OGDHL: variants seen among roughly 807,000 people sequenced by gnomAD.
OGDHL encodes oxoglutarate dehydrogenase L.
Under a neutral mutation model 109.6 loss-of-function variants are expected in OGDHL, and 79 were observed. The observed-to-expected ratio is 0.72, with a 90% confidence interval of 0.60 to 0.87. OGDHL has a LOEUF of 0.87. Ranked by LOEUF, OGDHL falls within the 40% of genes least tolerant of loss-of-function variation. The pLI, the probability that OGDHL is intolerant of heterozygous loss-of-function variation, is 0.00. For synonymous variants in OGDHL, 528 were observed against 537.2 expected, an observed-to-expected ratio of 0.98 and a Z score of 0.24; for missense variants, 1,275 against 1,362.2, an observed-to-expected ratio of 0.94 and a Z score of 1.01.
rs570938063 is a variant in OGDHL, at chr10:49,738,100, G to A, written c.2392-28C>T. 8 of 1,614,028 alleles carry A rather than the reference G, an allele frequency of 5.0e-6. No individual in the cohort carries two copies. In the South Asian group the frequency reaches 6.6e-5, roughly 13 times the overall value. ...GTGGGGACGAGATGCATATGGCCAG[G>A]GTGGCTGTCTGCTGCACCCACACCC... On this transcript the variant is annotated intron_variant, in intron 18 of 22. Coordinates refer to ENST00000374103, the MANE Select transcript of OGDHL (RefSeq NM_018245.3).
intron 4 of OGDHL, 47 bp downstream of exon 4, chr10:49,752,591 G>T: frequency 6.5e-7 from 1 of 1,530,626 alleles, no homozygotes; most frequent in Non-Finnish European, 9.1e-7. Context: ...CCCCTTACTG[G>T]GCCACCCACA....
chr10:49,756,771 C>T lies in OGDHL; in HGVS notation c.375+5G>A. The T allele has an allele frequency of 6.2e-7, 1 of 1,611,168 alleles. No individual in the cohort carries two copies. Among genetic ancestry groups the T allele is most frequent in the Non-Finnish European group, 8.5e-7 (1 of 1,178,472 alleles). ...CTCCCAGGCTGTGCCTCAGCTGCCC[C>T]TCACCTGGTAGGCCCGGATCAGGGA... On this transcript the variant is annotated splice_donor_5th_base_variant and intron_variant, in intron 3 of 22. Coordinates refer to ENST00000374103, the MANE Select transcript of OGDHL (RefSeq NM_018245.3).
Position 49,756,889 on chromosome 10 carries a change from G to T in OGDHL, c.262C>A (p.Pro88Thr). The change falls in exon 3 of 23, where the codon CCA becomes ACA. Residue 88 changes from proline to threonine, a missense_variant. By Grantham distance (38) the Pro-to-Thr change is conservative (BLOSUM62 -1). Transcript: ENST00000374103. ...TCATGGACAACAGAAGGGGGCCGTG[G>T]CTGAGCAGAGCCAGAAAAGGCTTCC... ...SEEAFSGSAQ[P>T]RPPSVVHESR... is the part of the protein sequence containing the mutation. 1 of 1,613,940 alleles carries T rather than the reference G, an allele frequency of 6.2e-7. No homozygotes were observed. Among genetic ancestry groups the T allele is most frequent in the African/African-American group, 1.3e-5 (1 of 75,054 alleles).
At chr10:49,738,678 A>T (rs1306289729) in intron 17 of OGDHL, 1 of 212,422 alleles carries the variant, frequency 4.7e-6, no homozygotes, top group African/African-American at 2.3e-5. Flanking sequence ...TGAAGAGGCA[A>T]GGAGAGGGTA....
At chr10:49,735,803 G>A (rs538883881) in intron 22 of OGDHL, among the ~76,000 whole-genome samples, 6 of 152,294 alleles carry the variant, frequency 3.9e-5, no homozygotes, top group East Asian at 3.9e-4. Context: ...CTACATAACC[G>A]GCCTAAGATC....
At chr10:49,759,945 A>T (rs995580234) in intron 1 of OGDHL, among the ~76,000 whole-genome samples, 3 of 152,230 alleles carry the variant, frequency 2.0e-5, no homozygotes, top group Non-Finnish European at 2.9e-5. Context: ...AGGTGTGCTC[A>T]GCCAACACCT....
chr10:49,751,816 G>T lies in OGDHL; in HGVS notation c.749+11C>A. On this transcript the variant is annotated intron_variant, in intron 6 of 22. Coordinates refer to ENST00000374103, the MANE Select transcript of OGDHL (RefSeq NM_018245.3). ...GACCTCCAGCCACTTGGCCCTCCAG[G>T]TGGTGCCAACCTCATGGAGCGCACT... 6.2e-7 allele frequency: 1 copy of T among 1,612,622 alleles called. No homozygotes were observed. The highest frequency in any genetic ancestry group is 8.5e-7 in the Non-Finnish European group (1 of 1,179,514).
chr10:49,758,615 G>A, intron 1 of OGDHL, 22 bp from the exon 2 acceptor site: 2 of 1,612,138 alleles, frequency 1.2e-6, no homozygotes, highest in South Asian at 1.1e-5. Flanking sequence ...CAATGAAGGA[G>A]AGGCATAAAT....
chr10:49,740,226 C>T (rs1841543361), intron 16 of OGDHL, among the ~76,000 whole-genome samples: 1 of 152,116 alleles, frequency 6.6e-6, no homozygotes, highest in African/African-American at 2.4e-5. Context: ...GCAGTGAGGA[C>T]GAGGTGAGCC....
Position 49,739,680 on chromosome 10 carries a change from GGCA to G in OGDHL, c.2297_2299del (p.Leu766del), listed in dbSNP as rs778935464. On this transcript the variant is annotated inframe_deletion, in exon 17 of 23. Coordinates refer to ENST00000374103, the MANE Select transcript of OGDHL (RefSeq NM_018245.3). The stretch of plus-strand genomic sequence containing the variant: ...CCTCACCATGCCTTCCATGCCATGG[GGCA>G]GCAGCAGCACAATGCCATTATGCCG... 21 of 1,613,610 alleles carry G rather than the reference GGCA, an allele frequency of 1.3e-5. No individual in the cohort carries two copies. The highest frequency in any genetic ancestry group is 1.8e-5 in the Non-Finnish European group (21 of 1,179,808).
intron 8 of OGDHL, among the ~76,000 whole-genome samples, chr10:49,748,014 G>A (rs12256338): frequency 0.022 from 3,345 of 151,908 alleles, 109 homozygotes; most frequent in African/African-American, 0.073. Context: ...ATTCGAGAGC[G>A]TGTAGGAGGA....
At chr10:49,751,215 C>T (rs953670636) in intron 6 of OGDHL, among the ~76,000 whole-genome samples, 7 of 152,254 alleles carry the variant, frequency 4.6e-5, no homozygotes, top group South Asian at 2.1e-4. Context: ...GAACCAAACG[C>T]CTCTGCCTAC....
intron 3 of OGDHL, among the ~76,000 whole-genome samples, chr10:49,756,329 A>T (rs1468223166): frequency 6.6e-6 from 1 of 152,216 alleles, no homozygotes; most frequent in African/African-American, 2.4e-5. Context: ...CAGGAGGAGC[A>T]ACTGGTGGGG....
Position 49,746,879 on chromosome 10 carries a change from C to T in OGDHL, c.1168-1G>A. On this transcript the variant is annotated splice_acceptor_variant, in intron 9 of 22. Transcript: ENST00000374103. LOFTEE classifies it high-confidence loss of function. ...CCCCATGAACCAGGATGGACATGAC[C>T]TGCAGGGCAGGTGTGAGCCAGGAGG... 2 of 1,614,126 alleles carry T rather than the reference C, an allele frequency of 1.2e-6. No homozygotes were observed. The highest frequency in any genetic ancestry group is 1.7e-6 in the Non-Finnish European group (2 of 1,180,006).
rs1170444476 is a variant in OGDHL at position 49,736,451 on chromosome 10, A to G, written c.2660T>C (p.Leu887Pro). The G allele has an allele frequency of 1.2e-6, 2 of 1,614,010 alleles. No individual in the cohort carries two copies. Among genetic ancestry groups the G allele is most frequent in the South Asian group, 2.2e-5 (2 of 91,084 alleles). The change falls in exon 21 of 23, where the codon CTC (leucine) becomes CCC (proline). Residue 887 changes from leucine (L) to proline (P), a missense_variant. Transcript: ENST00000374103. ...AARAPEQVQR[L>P]IFCTGKVYYD... ...GTACACCTTTCCCGTGCAGAAGATG[A>G]GCCGCTGCACCTGCTCAGGGGCCCG...
intron 1 of OGDHL, among the ~76,000 whole-genome samples, chr10:49,759,525 A>G (rs1438607315): frequency 0.013 from 1 of 78 alleles, no homozygotes; most frequent in Non-Finnish European, 0.024. Flanking sequence ...AAGAGTTCTA[A>G]GAGCCCTCTG....
In OGDHL at chr10:49,744,096, T is replaced by C. The variant is rs766080142; in HGVS notation, c.1759A>G (p.Lys587Glu). 7.4e-6 allele frequency: 12 copies of C among 1,613,798 alleles called. No homozygotes were observed. Among genetic ancestry groups the C allele is most frequent in the Non-Finnish European group, 1.0e-5 (12 of 1,179,908 alleles). ...CCCGTGGCTGGGCATGTCATGCTCT[T>C]GGGCTCCCCATCTACGTTGAAGAAG... ...PGFFNVDGEP[K>E]SMTCPATGIP... The change falls in exon 14 of 23, where the codon AAG becomes GAG. Residue 587 changes from lysine to glutamate, a missense_variant. Coordinates refer to ENST00000374103, the MANE Select transcript of OGDHL (RefSeq NM_018245.3).
At chr10:49,748,607 T>C (rs562804749) in intron 8 of OGDHL, among the ~76,000 whole-genome samples, 12 of 152,230 alleles carry the variant, frequency 7.9e-5, no homozygotes, top group East Asian at 1.9e-4. Flanking sequence ...CTTTGACTCA[T>C]TGCAACCATT....
intron 3 of OGDHL, among the ~76,000 whole-genome samples, chr10:49,755,086 A>C (rs1842840203): frequency 6.6e-6 from 1 of 152,166 alleles, no homozygotes; most frequent in South Asian, 2.1e-4. Context: ...TCCACTGAAA[A>C]CACAAAAATC....
Sources: allele counts gnomAD v4.1 joint callset (sites outside exome capture counted in the v4.1 genomes callset), GRCh38; gene constraint gnomAD v4.1.1; transcripts MANE v1.5; gene names NCBI Gene and HGNC (gene_info 2026-07-23, HGNC 2026-07-21).